PLCZ1: variants seen among roughly 807,000 people sequenced by gnomAD.
PLCZ1 encodes the protein phospholipase C zeta 1, also known as 1-phosphatidylinositol 4,5-bisphosphate phosphodiesterase zeta-1.
PLCZ1 carries 64 observed loss-of-function variants against 76.8 expected under a neutral mutation model. The observed-to-expected ratio is 0.83, with a 90% CI of 0.68 to 1.03. The LOEUF (loss-of-function observed/expected upper bound fraction) is 1.03, where lower values mean the gene tolerates loss of function less well. PLCZ1 is among the 50% of genes least tolerant of loss of function. The probability of loss-of-function intolerance (pLI) is 0.00; values close to 1 mark genes in which losing one functional copy is unlikely to be tolerated. For synonymous variants in PLCZ1, 248 were observed against 230.8 expected, an observed-to-expected ratio of 1.07 and a Z score of -0.68; for missense variants, 751 against 713.7, an observed-to-expected ratio of 1.05 and a Z score of -0.60.
rs769319345 is a variant in PLCZ1, at chr12:18,684,153, A to G, written c.1718T>C (p.Leu573Ser). 1 of 1,611,984 alleles carries G rather than the reference A, an allele frequency of 6.2e-7. No homozygotes were observed. The highest frequency in any genetic ancestry group is 2.2e-5 in the East Asian group (1 of 44,732). Reference sequence around the variant, plus strand: ...ACCTTTGTTCATGCATAGAAGTGGCAAAGTATATTGCCCAAGAAATTCATT... The same window carrying G: ...ACCTTTGTTCATGCATAGAAGTGGCGAAGTATATTGCCCAAGAAATTCATT... ...AGNEFLGQYTLPLLCMNKGYR... is the reference protein window; with the variant it reads ...AGNEFLGQYTSPLLCMNKGYR... The change falls in exon 14 of 15, where the codon TTG (leucine) becomes TCG (serine). Residue 573 changes from leucine (L) to serine (S), a missense_variant. By Grantham distance (145) the Leu-to-Ser change is moderately radical (BLOSUM62 -2). Transcript: ENST00000266505.
At chr12:18,651,702 A>G in the PLCZ1 span, among the ~76,000 whole-genome samples, 2 of 152,146 alleles carry the variant, frequency 1.3e-5, no homozygotes, top group Non-Finnish European at 2.9e-5. Flanking sequence ...CTCTAGATCC[A>G]TTCATCTGAA....
At chr12:18,735,178 A>G (rs1959191624) in intron 3 of PLCZ1, among the ~76,000 whole-genome samples, 1 of 152,144 alleles carries the variant, frequency 6.6e-6, no homozygotes, top group Non-Finnish European at 1.5e-5. Flanking sequence ...GGAATTTTGC[A>G]TCTATGTTCA....
intron 3 of PLCZ1, chr12:18,731,253 C>T (rs966565292): frequency 2.6e-5 from 4 of 151,826 alleles, no homozygotes; most frequent in African/African-American, 4.8e-5. Context: ...GTATAGCGAA[C>T]AGCTTTCGTA....
intron 10 of PLCZ1, among the ~76,000 whole-genome samples, chr12:18,699,034 CT>C (rs1206878047): frequency 6.6e-6 from 1 of 152,118 alleles, no homozygotes; most frequent in African/African-American, 2.4e-5. Context: ...AATGAGTCTT[CT>C]TTCTATTCTC....
chr12:18,652,979 G>A, the PLCZ1 span, among the ~76,000 whole-genome samples: 1 of 151,986 alleles, frequency 6.6e-6, no homozygotes, highest in Non-Finnish European at 1.5e-5. Flanking sequence ...GCTAAGTGAG[G>A]ATGAGGGAGC....
At chr12:18,688,789 G>A (rs1359613036) in intron 12 of PLCZ1, among the ~76,000 whole-genome samples, 3 of 151,838 alleles carry the variant, frequency 2.0e-5, no homozygotes, top group Admixed American at 6.6e-5. Flanking sequence ...TATAATTTAA[G>A]GAACAAAATG....
chr12:18,685,834 A>G (rs1953036309), intron 13 of PLCZ1, among the ~76,000 whole-genome samples: 1 of 95,674 alleles, frequency 1.0e-5, no homozygotes, highest in Non-Finnish European at 2.2e-5. Context: ...TCTCTGTCAC[A>G]CACACACACG....
chr12:18,669,213 C>T, the PLCZ1 span, among the ~76,000 whole-genome samples: 1 of 152,094 alleles, frequency 6.6e-6, no homozygotes, highest in Non-Finnish European at 1.5e-5. Flanking sequence ...TTTCCAAGGT[C>T]CCACAGCTAG....
intron 12 of PLCZ1, among the ~76,000 whole-genome samples, chr12:18,689,520 A>G (rs1285606289): frequency 6.6e-6 from 1 of 152,146 alleles, no homozygotes; most frequent in East Asian, 1.9e-4. Context: ...CTCTTCTTCC[A>G]ACGTGGCCCA....
chr12:18,735,008 T>A (rs532347773), intron 3 of PLCZ1, among the ~76,000 whole-genome samples: 1 of 152,360 alleles, frequency 6.6e-6, no homozygotes, highest in Admixed American at 6.5e-5. Context: ...ATTTTTGAGA[T>A]AATCATGTGA....
chr12:18,673,542 C>T, the PLCZ1 span, among the ~76,000 whole-genome samples: 76 of 152,258 alleles, frequency 5.0e-4, no homozygotes, highest in African/African-American at 1.8e-3. Context: ...TCCTTTATCT[C>T]CCCACAAAGA....
At chr12:18,671,187 T>TAAA in the PLCZ1 span, among the ~76,000 whole-genome samples, 1 of 134,126 alleles carries the variant, frequency 7.5e-6, no homozygotes, top group Non-Finnish European at 1.6e-5. Context: ...AGACTCCATC[T>TAAA]AAAAAAAAAA....
At position 18,702,808 on chromosome 12, in the gene PLCZ1, G is replaced by T. The variant is rs546821839; in HGVS notation, c.865-1032C>A. The stretch of plus-strand genomic sequence containing the variant: ...TACACACAAGGACTGAATATTGTAG[G>T]ATAAAGTAACTTTTTTTTTTTTTTT... On this transcript the variant is annotated intron_variant, in intron 7 of 14. Transcript: ENST00000266505. Among the ~76,000 whole-genome samples, 5 of 143,478 alleles carry T rather than the reference G, an allele frequency of 3.5e-5. No individual in the cohort carries two copies. In the South Asian group the frequency reaches 1.1e-3, roughly 32 times the overall value. The allele number at this position is 143,478 out of a possible 152,430, so 94.1% of individuals were successfully genotyped here.
the PLCZ1 span, among the ~76,000 whole-genome samples, chr12:18,659,850 C>G: frequency 6.6e-6 from 1 of 152,054 alleles, no homozygotes. Context: ...CAGATAAAAA[C>G]TGAGACAGTT....
the PLCZ1 span, among the ~76,000 whole-genome samples, chr12:18,653,408 A>T: frequency 6.6e-6 from 1 of 152,134 alleles, no homozygotes; most frequent in African/African-American, 2.4e-5. Context: ...AATCTTGAAT[A>T]CTCTCAATGC....
At chr12:18,702,516 T>C (rs145714712) in intron 7 of PLCZ1, among the ~76,000 whole-genome samples, 9 of 152,278 alleles carry the variant, frequency 5.9e-5, no homozygotes, top group African/African-American at 1.9e-4. Flanking sequence ...CAGGGAGCTT[T>C]GATTGTCCTT....
At chr12:18,697,544 G>C (rs4764418) in intron 10 of PLCZ1, among the ~76,000 whole-genome samples, 45,848 of 151,818 alleles carry the variant, frequency 0.3, 7,733 homozygotes, top group East Asian at 0.48. Context: ...TTAACCTTTA[G>C]AAAATAAACA....
At chr12:18,677,552 G>A in the PLCZ1 span, among the ~76,000 whole-genome samples, 7 of 152,028 alleles carry the variant, frequency 4.6e-5, no homozygotes, top group Non-Finnish European at 8.8e-5. Context: ...CCCCTATGCT[G>A]TTTTCACTGG....
At chr12:18,673,566 A>C in the PLCZ1 span, among the ~76,000 whole-genome samples, 1 of 152,204 alleles carries the variant, frequency 6.6e-6, no homozygotes, top group African/African-American at 2.4e-5. Flanking sequence ...GACCTATTCT[A>C]CTAGTTATCT....
Sources: allele counts gnomAD v4.1 joint callset (sites outside exome capture counted in the v4.1 genomes callset), GRCh38; gene constraint gnomAD v4.1.1; transcripts MANE v1.5; gene names NCBI Gene and HGNC (gene_info 2026-07-23, HGNC 2026-07-21).